DIP2A: variants seen among roughly 807,000 people sequenced by gnomAD.
DIP2A encodes the protein DIP2 acetate--CoA ligase A, also known as disco-interacting protein 2 homolog A.
In DIP2A, 85 loss-of-function variants were observed where a neutral mutation model predicts 177.4. The ratio of observed to expected loss-of-function variants is 0.48; its 90% CI spans 0.40 to 0.57. The LOEUF (loss-of-function observed/expected upper bound fraction) is 0.57. DIP2A is among the 20% of genes least tolerant of loss of function. The pLI, the probability that DIP2A is intolerant of heterozygous loss-of-function variation, is 0.00. For missense variants in DIP2A, 1,791 were observed against 2,100.2 expected (o/e 0.85, Z 2.88); for synonymous variants, 886 against 881.8 (o/e 1.00, Z -0.08).
intron 8 of DIP2A, among the ~76,000 whole-genome samples, chr21:46,515,527 A>G (rs1165690983): frequency 6.6e-6 from 1 of 151,290 alleles, no homozygotes; most frequent in Non-Finnish European, 1.5e-5. Flanking sequence ...AGATATTACT[A>G]CCATTGTGTG....
intron 5 of DIP2A, among the ~76,000 whole-genome samples, chr21:46,499,852 T>C (rs2057555101): frequency 6.6e-6 from 1 of 152,248 alleles, no homozygotes; most frequent in Non-Finnish European, 1.5e-5. Flanking sequence ...TGTAACTTGC[T>C]TGAGATCAGA....
At chr21:46,472,032 G>C (rs566242693) in intron 1 of DIP2A, among the ~76,000 whole-genome samples, 126 of 152,294 alleles carry the variant, frequency 8.3e-4, no homozygotes, top group African/African-American at 2.9e-3. Context: ...ACAATTGTTG[G>C]TATGCTGAAG....
Position 46,565,879 on chromosome 21 carries a change from C to G in DIP2A, c.4331C>G (p.Ala1444Gly), listed in dbSNP as rs763094854. Residue 1444 changes from alanine to glycine, a missense_variant, in exon 36 of 38, where the codon GCC (alanine) becomes GGC (glycine). Ala to Gly is a moderately conservative substitution (Grantham distance 60). Coordinates refer to ENST00000417564, the MANE Select transcript of DIP2A (RefSeq NM_015151.4). ...CTTCGGCGAACAGAGCTCACTGATG[C>G]CAGTGGAGGTGAGGGGTTGTGGTGA... ...GFLRRTELTD[A>G]SGGRHDALYV... is the part of the protein sequence containing the mutation. The G allele has an allele frequency of 1.2e-6, 2 of 1,613,864 alleles. No individual in the cohort carries two copies. The highest frequency in any genetic ancestry group is 1.7e-5 in the Admixed American group (1 of 60,010).
At position 46,498,959 on chromosome 21, in the gene DIP2A, C is replaced by A; in HGVS notation, c.655+126C>A. The A allele has an allele frequency of 7.8e-7, 1 of 1,285,610 alleles. No individual in the cohort carries two copies. The highest frequency in any genetic ancestry group is 1.0e-6 in the Non-Finnish European group (1 of 962,384). The allele number at this position is 1,285,610 out of a possible 1,614,324, so 79.6% of individuals were successfully genotyped here. A position where few individuals can be genotyped will look rare whatever the true frequency, so the allele number is the denominator to read the frequency against. On this transcript the variant is annotated intron_variant, in intron 5 of 37. Transcript: ENST00000417564. The surrounding 1 kb of genome is among the most constrained non-coding windows in gnomAD (Gnocchi z 4.3). ...GCAGACTTAGCTGCAGGCCTGAGTG[C>A]TCTCCAAGTGACTGAGGTCACACAA...
rs778275445 is a variant in DIP2A, at chr21:46,538,531, C to A, written c.1850C>A (p.Ala617Asp). Residue 617 changes from alanine to aspartate, a missense_variant, in exon 16 of 38, where the codon GCT becomes GAT. Transcript: ENST00000417564. Reference protein sequence around the residue: ...KSRDMHWSLLAQRGQRDVSLS... With the variant: ...KSRDMHWSLLDQRGQRDVSLS... ...CGAGACATGCACTGGTCTCTCCTAG[C>A]TCAGCGGGGCCAGAGGGACGTCAGC... The A allele has an allele frequency of 1.3e-6, 2 of 1,561,076 alleles. No homozygotes were observed. The highest frequency in any genetic ancestry group is 2.4e-5 in the South Asian group (2 of 84,660).
rs1441586656 is a variant in DIP2A at position 46,547,012 on chromosome 21, T to C, written c.2492T>C (p.Val831Ala). ...ADDVVATALA[V>A]EPMKFVYRGR... ...GACGTTGTGGCCACCGCACTGGCCG[T>C]GGAGCCCATGAAGTTTGTCTACAGA... Residue 831 changes from valine (V) to alanine (A), a missense_variant, in exon 21 of 38, where the codon GTG becomes GCG. Coordinates refer to ENST00000417564, the MANE Select transcript of DIP2A (RefSeq NM_015151.4). 6.2e-7 allele frequency: 1 copy of C among 1,614,004 alleles called. No individual in the cohort carries two copies. Among genetic ancestry groups the C allele is most frequent in the Non-Finnish European group, 8.5e-7 (1 of 1,179,868 alleles).
intron 13 of DIP2A, among the ~76,000 whole-genome samples, chr21:46,535,772 G>A (rs949163663): frequency 2.6e-5 from 4 of 152,162 alleles, no homozygotes; most frequent in African/African-American, 9.7e-5. Flanking sequence ...TCTTACATAT[G>A]TCACCTACAA....
intron 21 of DIP2A, chr21:46,547,324 G>C (rs973888296): frequency 1.3e-6 from 1 of 769,554 alleles, no homozygotes; most frequent in Non-Finnish European, 1.7e-6. Context: ...GGGAAGAATT[G>C]AGTAAAGCAA....
At chr21:46,554,092 G>A (rs2060367655) in intron 25 of DIP2A, 77 bp from the exon 26 acceptor site, 4 of 1,511,044 alleles carry the variant, frequency 2.6e-6, no homozygotes, top group Non-Finnish European at 2.7e-6. Flanking sequence ...TGGCGTGCAG[G>A]TGGTGTGCAC....
chr21:46,558,107 G>A lies in DIP2A; in HGVS notation c.3799-116G>A, dbSNP rs1391650884. 6 of 1,066,788 alleles carry A rather than the reference G, an allele frequency of 5.6e-6. No individual in the cohort carries two copies. The East Asian group carries it at 1.6e-4, about 28-fold the overall frequency. 66.1% of individuals were successfully genotyped at this position (1,066,788 alleles called of 1,614,324 possible). A position where few individuals can be genotyped will look rare whatever the true frequency, so the allele number is the denominator to read the frequency against. On this transcript the variant is annotated intron_variant, in intron 31 of 37. Coordinates refer to ENST00000417564, the MANE Select transcript of DIP2A (RefSeq NM_015151.4). ...GAACAGACACAGCCTGCGGAGAGGA[G>A]GTTGGTGTCCAGCTCCACCTCTGTG...
At chr21:46,461,609 A>G (rs913388900) in intron 1 of DIP2A, among the ~76,000 whole-genome samples, 1 of 152,234 alleles carries the variant, frequency 6.6e-6, no homozygotes, top group Admixed American at 6.5e-5. Context: ...GAACACAAGT[A>G]CTTAAATGAA....
chr21:46,461,240 G>T (rs1351346569), intron 1 of DIP2A, among the ~76,000 whole-genome samples: 2 of 122,676 alleles, frequency 1.6e-5, no homozygotes, highest in African/African-American at 3.2e-5. Context: ...CTCCAGCCTG[G>T]GCAACAGAGC....
chr21:46,529,009 C>G (rs571462908), intron 8 of DIP2A, 83 bp from the exon 9 acceptor site: 1 of 766,128 alleles, frequency 1.3e-6, no homozygotes, highest in African/African-American at 1.8e-5. Context: ...TGGTATATTT[C>G]GGGGTATTTT....
In DIP2A at chr21:46,523,150, C is replaced by G. The variant is rs534164156; in HGVS notation, c.1103-5942C>G. Among the ~76,000 whole-genome samples, 13 of 152,178 alleles carry G rather than the reference C, an allele frequency of 8.5e-5. No homozygotes were observed. The South Asian group carries it at 2.7e-3, about 32-fold the overall frequency. On this transcript the variant is annotated intron_variant, in intron 8 of 37. Coordinates refer to ENST00000417564, the MANE Select transcript of DIP2A (RefSeq NM_015151.4). The stretch of plus-strand genomic sequence containing the variant: ...ATGTTGATCAGGCTGGTCTCAAACT[C>G]CTGACCTCAGGTGATCCACCCGCCT...
At position 46,563,662 on chromosome 21, in the gene DIP2A, G is replaced by T; in HGVS notation, c.4090-196G>T. On this transcript the variant is annotated intron_variant, in intron 34 of 37. Transcript: ENST00000417564. The surrounding 1 kb of genome is among the most constrained non-coding windows in gnomAD (Gnocchi z 4.3). ...CCTTCTCAGGAACTGGAGTCATTTT[G>T]CTTATTTCTATTAACATCTCTTATT... 2 of 1,000,918 alleles carry T rather than the reference G, an allele frequency of 2.0e-6. No homozygotes were observed. Among genetic ancestry groups the T allele is most frequent in the South Asian group, 1.9e-5 (1 of 53,270 alleles). The allele number at this position is 1,000,918 out of a possible 1,614,324, so 62.0% of individuals were successfully genotyped here.
intron 20 of DIP2A, chr21:46,546,363 A>T (rs1051663599): frequency 1.1e-5 from 11 of 997,028 alleles, no homozygotes; most frequent in East Asian, 1.8e-4. Context: ...CTCCCAGGGG[A>T]CTTCTGGCAA....
intron 8 of DIP2A, among the ~76,000 whole-genome samples, chr21:46,522,932 A>G (rs866846234): frequency 6.6e-6 from 1 of 150,844 alleles, no homozygotes; most frequent in African/African-American, 2.4e-5. Context: ...ATTTAAAAAA[A>G]TTTTTTTTTT....
At chr21:46,463,680 T>TTGTGTGTG (rs5844275) in intron 1 of DIP2A, among the ~76,000 whole-genome samples, 3,999 of 130,970 alleles carry the variant, frequency 0.031, 71 homozygotes, top group African/African-American at 0.042. Context: ...TGGGATATAT[T>TTGTGTGTG]TGTGTGTGTG....
chr21:46,505,984 T>C (rs186850930), intron 6 of DIP2A, among the ~76,000 whole-genome samples: 1 of 152,238 alleles, frequency 6.6e-6, no homozygotes, highest in African/African-American at 2.4e-5. Flanking sequence ...ATTTAGGTTG[T>C]TTCTAGTTTG....
Sources: allele counts gnomAD v4.1 joint callset (sites outside exome capture counted in the v4.1 genomes callset), GRCh38; gene constraint gnomAD v4.1.1; non-coding constraint Gnocchi (gnomAD v3.1); transcripts MANE v1.5; gene names NCBI Gene and HGNC (gene_info 2026-07-23, HGNC 2026-07-21).